TATDN2: variants seen among roughly 807,000 people sequenced by gnomAD.
TATDN2 encodes the protein 3'-5' RNA nuclease TATDN2.
A neutral mutation model predicts 60.3 loss-of-function variants in TATDN2; 44 were observed. The observed-to-expected ratio is 0.73, with a 90% CI of 0.57 to 0.94. The LOEUF (loss-of-function observed/expected upper bound fraction) is 0.94, where lower values mean the gene tolerates loss of function less well. Ranked by LOEUF, TATDN2 falls within the 40% of genes least tolerant of loss-of-function variation. The probability of loss-of-function intolerance (pLI) is 0.00; values close to 1 mark genes in which losing one functional copy is unlikely to be tolerated. For synonymous variants in TATDN2, 399 were observed against 355.8 expected, an observed-to-expected ratio of 1.12 and a Z score of -1.37; for missense variants, 997 against 948.0, an observed-to-expected ratio of 1.05 and a Z score of -0.68.
Position 10,248,678 on chromosome 3 carries a change from C to T in TATDN2, c.-396C>T. 6.6e-6 allele frequency: 1 copy of T among 151,718 alleles called. No individual in the cohort carries two copies. 9.4% of individuals were successfully genotyped at this position (151,718 alleles called of 1,614,324 possible). Reference sequence around the variant, plus strand: ...CCCGAGGGGCCGCTCGGGCCCCTTCCGGCCCGGGTCTGGTTGGGCCGCAGG... The same window carrying T: ...CCCGAGGGGCCGCTCGGGCCCCTTCTGGCCCGGGTCTGGTTGGGCCGCAGG... On this transcript the variant is annotated 5_prime_UTR_variant, in exon 1 of 8. Coordinates refer to ENST00000448281, the MANE Select transcript of TATDN2 (RefSeq NM_014760.4).
In TATDN2 at chr3:10,249,477, G is replaced by T; in HGVS notation, c.277G>T (p.Val93Leu). Reference sequence around the variant, plus strand: ...CTCCCCACATTTCTTGGGCCCTGGTGTGGGCGGGGCCGCCTCCAAAGGCTG... The same window carrying T: ...CTCCCCACATTTCTTGGGCCCTGGTTTGGGCGGGGCCGCCTCCAAAGGCTG... ...SFSPHFLGPG[V>L]GGAASKGCLI... The change falls in exon 2 of 8, where the codon GTG (valine) becomes TTG (leucine). Residue 93 changes from valine to leucine, a missense_variant. Coordinates refer to ENST00000448281, the MANE Select transcript of TATDN2 (RefSeq NM_014760.4). 1 of 1,613,814 alleles carries T rather than the reference G, an allele frequency of 6.2e-7. No homozygotes were observed. Among genetic ancestry groups the T allele is most frequent in the Non-Finnish European group, 8.5e-7 (1 of 1,179,930 alleles).
intron 2 of TATDN2, among the ~76,000 whole-genome samples, chr3:10,256,905 G>A (rs572940936): frequency 6.6e-6 from 1 of 151,872 alleles, no homozygotes; most frequent in Non-Finnish European, 1.5e-5. Flanking sequence ...AGGGTGGCAG[G>A]TGGTTGGTGG....
Position 10,278,214 on chromosome 3 carries a change from G to A in TATDN2, c.1962-65G>A, listed in dbSNP as rs189759114. On this transcript the variant is annotated intron_variant, in intron 5 of 7. Transcript: ENST00000448281. The surrounding 1 kb of genome is among the most constrained non-coding windows in gnomAD (Gnocchi z 4.7). ...ATCATTGAAAAGGGGTGATGGGTGT[G>A]GGGGGAGCTGGGGGCTGCTGCAGAG... 2.6e-6 allele frequency: 4 copies of A among 1,538,128 alleles called. No individual in the cohort carries two copies. The highest frequency in any genetic ancestry group is 1.8e-5 in the Admixed American group (1 of 56,570).
chr3:10,270,674 A>C lies in TATDN2; in HGVS notation c.1492A>C (p.Thr498Pro). Reference sequence around the variant, plus strand: ...AAGCCTAGAGGAGGGCTTCATTGACACTCATTGTCACCTGGACATGCTCTA... The same window carrying C: ...AAGCCTAGAGGAGGGCTTCATTGACCCTCATTGTCACCTGGACATGCTCTA... ...EPSLEEGFID[T>P]HCHLDMLYSK... The change falls in exon 4 of 8, where the codon ACT becomes CCT. Residue 498 changes from threonine to proline, a missense_variant. By Grantham distance (38) the Thr-to-Pro change is conservative. Transcript: ENST00000448281. The C allele has an allele frequency of 6.2e-7, 1 of 1,614,172 alleles. No homozygotes were observed. Among genetic ancestry groups the C allele is most frequent in the Non-Finnish European group, 8.5e-7 (1 of 1,180,038 alleles).
At chr3:10,256,812 C>T (rs1163634867) in intron 2 of TATDN2, among the ~76,000 whole-genome samples, 1 of 151,712 alleles carries the variant, frequency 6.6e-6, no homozygotes, top group Non-Finnish European at 1.5e-5. Context: ...CAGGTGGGAA[C>T]ACAAAATGGG....
At chr3:10,258,827 T>G (rs1698355605) in intron 2 of TATDN2, among the ~76,000 whole-genome samples, 1 of 152,070 alleles carries the variant, frequency 6.6e-6, no homozygotes, top group Non-Finnish European at 1.5e-5. Context: ...TATAAACAGT[T>G]TAGCTTTTTA....
rs1231240524 is a variant in TATDN2 at position 10,278,061 on chromosome 3, C to T, written c.1962-218C>T. Among the ~76,000 whole-genome samples the T allele has an allele frequency of 2.6e-5, 4 of 151,986 alleles. No individual in the cohort carries two copies. The highest frequency in any genetic ancestry group is 3.9e-4 in the East Asian group (2 of 5,176). On this transcript the variant is annotated intron_variant, in intron 5 of 7. Coordinates refer to ENST00000448281, the MANE Select transcript of TATDN2 (RefSeq NM_014760.4). The surrounding 1 kb of genome is among the most constrained non-coding windows in gnomAD (Gnocchi z 4.7). ...GGACTGCAGAGCACTCTGTGGTGTG[C>T]GTGGTATCTCTGAGTGATCTCTGAT...
At chr3:10,263,861 G>A (rs144831408) in intron 3 of TATDN2, among the ~76,000 whole-genome samples, 66 of 152,278 alleles carry the variant, frequency 4.3e-4, no homozygotes, top group African/African-American at 1.5e-3. Context: ...GCTTTGGGAT[G>A]ATCGGGAGAA....
At position 10,249,305 on chromosome 3, in the gene TATDN2, C is replaced by T. The variant is rs1351092055; in HGVS notation, c.105C>T (p.Ser35=). 1 of 1,607,266 alleles carries T rather than the reference C, an allele frequency of 6.2e-7. No individual in the cohort carries two copies. Among genetic ancestry groups the T allele is most frequent in the Non-Finnish European group, 8.5e-7 (1 of 1,175,500 alleles). The change falls in exon 2 of 8, where the codon TCC becomes TCT. Residue 35 remains serine, a synonymous_variant. Coordinates refer to ENST00000448281, the MANE Select transcript of TATDN2 (RefSeq NM_014760.4). ...GGGAGCCCTGTGATGTGGCCCCCTC[C>T]AGCCGGCCAGCTCAGAGGTCTGCGT... ...CLREPCDVAP[S]SRPAQRSASR... is the part of the protein sequence containing the mutation.
intron 3 of TATDN2, among the ~76,000 whole-genome samples, chr3:10,267,384 A>G (rs1000647466): frequency 2.0e-5 from 3 of 151,940 alleles, no homozygotes; most frequent in African/African-American, 7.2e-5. Flanking sequence ...TTCTAGTTAC[A>G]TGTGCATTTT....
At chr3:10,264,766 C>T (rs1324106791) in intron 3 of TATDN2, among the ~76,000 whole-genome samples, 1 of 151,854 alleles carries the variant, frequency 6.6e-6, no homozygotes, top group East Asian at 1.9e-4. Context: ...GCAACCCCTG[C>T]CTCCCAGGTT....
chr3:10,259,019 G>A (rs1698358177), intron 2 of TATDN2, among the ~76,000 whole-genome samples: 1 of 152,160 alleles, frequency 6.6e-6, no homozygotes, highest in East Asian at 1.9e-4. Flanking sequence ...ACAGGCGTGT[G>A]CCACCATGGC....
intron 3 of TATDN2, among the ~76,000 whole-genome samples, chr3:10,263,259 C>G (rs988156261): frequency 6.6e-6 from 1 of 151,390 alleles, no homozygotes; most frequent in Non-Finnish European, 1.5e-5. Flanking sequence ...TCTCAGGGCT[C>G]TGAAATTTCA....
At chr3:10,271,142 C>A in intron 4 of TATDN2, 127 bp downstream of exon 4, 1 of 1,247,748 alleles carries the variant, frequency 8.0e-7, no homozygotes, top group Non-Finnish European at 1.1e-6. Context: ...AGTGTGCTTG[C>A]TCTCATCCAG....
At chr3:10,269,456 T>G (rs1220844108) in intron 3 of TATDN2, among the ~76,000 whole-genome samples, 2 of 152,138 alleles carry the variant, frequency 1.3e-5, no homozygotes, top group African/African-American at 2.4e-5. Flanking sequence ...TGCCTGTAAT[T>G]TCAGCATTTT....
chr3:10,268,804 G>A (rs1559463027), intron 3 of TATDN2, among the ~76,000 whole-genome samples: 1 of 152,064 alleles, frequency 6.6e-6, no homozygotes, highest in Non-Finnish European at 1.5e-5. Context: ...TAGGTGTTGG[G>A]GAGACATCAG....
chr3:10,277,348 T>G (rs1698653980), intron 5 of TATDN2, among the ~76,000 whole-genome samples: 1 of 152,034 alleles, frequency 6.6e-6, no homozygotes, highest in African/African-American at 2.4e-5. Context: ...CATCTGGAGG[T>G]GCTGCCAGGA....
chr3:10,255,984 C>A (rs1171437575), intron 2 of TATDN2, among the ~76,000 whole-genome samples: 2 of 152,168 alleles, frequency 1.3e-5, no homozygotes, highest in African/African-American at 4.8e-5. Flanking sequence ...CTACCTTGAA[C>A]TGAAGAATTG....
chr3:10,265,533 T>C (rs1420632405), intron 3 of TATDN2, among the ~76,000 whole-genome samples: 2 of 150,492 alleles, frequency 1.3e-5, no homozygotes, highest in South Asian at 4.3e-4. Context: ...TCCAAAAAAA[T>C]TAGCCAGGTA....
Sources: gnomAD v4.1 joint callset for allele counts (sites outside exome capture counted in the v4.1 genomes callset) on GRCh38, gnomAD v4.1.1 for gene constraint, Gnocchi (gnomAD v3.1) non-coding constraint, MANE v1.5 for transcripts, NCBI Gene and HGNC (gene_info 2026-07-23, HGNC 2026-07-21) for gene names.